The following SOX5 variants were observed in gnomAD, a reference collection of about 807,000 sequenced individuals.
SOX5 encodes transcription factor SOX-5.
SOX5 carries 9 observed loss-of-function variants against 92.0 expected under a neutral mutation model. The observed-to-expected ratio is 0.10, with a 90% confidence interval of 0.06 to 0.17. The LOEUF (loss-of-function observed/expected upper bound fraction) is 0.17, where lower values mean the gene tolerates loss of function less well. Ranked by LOEUF, SOX5 falls within the 10% of genes least tolerant of loss-of-function variation. The pLI, the probability that SOX5 is intolerant of heterozygous loss-of-function variation, is 1.00. For synonymous variants in SOX5, 344 were observed against 336.3 expected (o/e 1.02, Z -0.25); for missense variants, 642 against 944.5 (o/e 0.68, Z 4.20).
At chr12:24,494,381 C>G (rs572626228) in intron 1 of SOX5, among the ~76,000 whole-genome samples, 1 of 152,320 alleles carries the variant, frequency 6.6e-6, no homozygotes, top group African/African-American at 2.4e-5. Flanking sequence ...ACAAAAAGGA[C>G]AGCAAATAAT....
At chr12:23,853,326 T>A (rs1026025616) in intron 2 of SOX5, among the ~76,000 whole-genome samples, 1 of 151,592 alleles carries the variant, frequency 6.6e-6, no homozygotes, top group African/African-American at 2.4e-5. Flanking sequence ...TTAGTTTAAA[T>A]TTATTAATAA....
At chr12:24,183,650 TA>T (rs1442657573) in intron 4 of SOX5, among the ~76,000 whole-genome samples, 1 of 152,094 alleles carries the variant, frequency 6.6e-6, no homozygotes, top group South Asian at 2.1e-4. Flanking sequence ...AAATCTAATA[TA>T]AAAAAAATTT....
At chr12:23,911,861 G>A (rs1269857066) in intron 1 of SOX5, among the ~76,000 whole-genome samples, 1 of 152,118 alleles carries the variant, frequency 6.6e-6, no homozygotes, top group African/African-American at 2.4e-5. Flanking sequence ...AGGAAACACA[G>A]AAGAACATCT....
chr12:24,049,322 C>T (rs1010463549), intron 4 of SOX5, among the ~76,000 whole-genome samples: 2 of 152,164 alleles, frequency 1.3e-5, no homozygotes, highest in Non-Finnish European at 2.9e-5. Flanking sequence ...AAAGTGAAAA[C>T]CACAAACTGG....
At chr12:23,740,610 C>T (rs1034160930) in intron 5 of SOX5, among the ~76,000 whole-genome samples, 2 of 152,148 alleles carry the variant, frequency 1.3e-5, no homozygotes, top group Non-Finnish European at 2.9e-5. Context: ...GTATTTTTCT[C>T]ATGATTTATC....
At chr12:23,765,098 T>G (rs963282970) in intron 3 of SOX5, among the ~76,000 whole-genome samples, 2 of 152,002 alleles carry the variant, frequency 1.3e-5, no homozygotes, top group African/African-American at 2.4e-5. Flanking sequence ...TAAAAAACCC[T>G]CTGATTTGCT....
intron 4 of SOX5, among the ~76,000 whole-genome samples, chr12:23,984,814 T>C (rs1949910665): frequency 6.6e-6 from 1 of 152,198 alleles, no homozygotes; most frequent in Admixed American, 6.6e-5. Flanking sequence ...TTTTAATATG[T>C]TGCTAAGCTA....
chr12:23,998,803 C>CAA (rs34135570), intron 4 of SOX5, among the ~76,000 whole-genome samples: 1,421 of 66,292 alleles, frequency 0.021, 40 homozygotes, highest in Middle Eastern at 0.034. Context: ...GACTCAGTCT[C>CAA]AAAAAAAAAA....
At chr12:24,335,990 C>CATATATGTATATATATATATATATATAT (rs1951848307) in intron 2 of SOX5, among the ~76,000 whole-genome samples, 1 of 24,786 alleles carries the variant, frequency 4.0e-5, no homozygotes, top group African/African-American at 1.2e-4. Flanking sequence ...TATATATATC[C>CATATATGTATATATATATATATATATAT]ATAATATTAA....
chr12:24,277,399 A>G (rs1049726626), intron 2 of SOX5: 5 of 110,532 alleles, frequency 4.5e-5, no homozygotes, highest in African/African-American at 1.4e-4. Flanking sequence ...AAAATGTGTA[A>G]GGTTTTCAAA....
At chr12:23,536,407 T>G (rs770687139) in intron 14 of SOX5, 46 bp downstream of exon 14, 1 of 1,418,426 alleles carries the variant, frequency 7.1e-7, no homozygotes, top group South Asian at 1.2e-5. Flanking sequence ...CCATTAAGTA[T>G]AACAGGAAGT....
intron 6 of SOX5, among the ~76,000 whole-genome samples, chr12:23,719,011 TAA>T (rs748339461): frequency 6.6e-6 from 1 of 152,168 alleles, no homozygotes; most frequent in Non-Finnish European, 1.5e-5. Context: ...TCAGAGTGGG[TAA>T]AGTTATAGCA....
At chr12:23,614,570 G>A (rs533469159) in intron 8 of SOX5, among the ~76,000 whole-genome samples, 3 of 152,200 alleles carry the variant, frequency 2.0e-5, no homozygotes, top group Non-Finnish European at 4.4e-5. Context: ...TCTAGCTGAT[G>A]GATAGTTGGA....
At chr12:23,561,996 A>C (rs1946295357) in intron 11 of SOX5, among the ~76,000 whole-genome samples, 2 of 152,240 alleles carry the variant, frequency 1.3e-5, no homozygotes, top group African/African-American at 4.8e-5. Context: ...GAGCAGAGAA[A>C]AGGAATTTCT....
chr12:24,055,697 C>T (rs1958019795), intron 4 of SOX5, among the ~76,000 whole-genome samples: 2 of 152,114 alleles, frequency 1.3e-5, no homozygotes, highest in Non-Finnish European at 1.5e-5. Flanking sequence ...CATTATTTCC[C>T]TTCATCTTGT....
rs185450131 is a variant in SOX5 at position 24,191,794 on chromosome 12, C to T, written c.-2+21549G>A. Among the ~76,000 whole-genome samples the T allele has an allele frequency of 5.3e-5, 8 of 152,120 alleles. No individual in the cohort carries two copies. The East Asian group carries it at 1.5e-3, about 29-fold the overall frequency. ...ATTTTGTTTGTTTAGCCTGTGTGTC[C>T]TAGATATGGTAAGATTATGAACTAG... On this transcript the variant is annotated intron_variant, in intron 4 of 4. Coordinates refer to the SOX5 transcript ENST00000446891.
chr12:24,102,410 G>A (rs1195229914), intron 4 of SOX5, among the ~76,000 whole-genome samples: 1 of 152,148 alleles, frequency 6.6e-6, no homozygotes, highest in Non-Finnish European at 1.5e-5. Flanking sequence ...AGCATGAGTA[G>A]AATAAGTATA....
At chr12:24,029,978 C>A (rs1433293493) in intron 4 of SOX5, among the ~76,000 whole-genome samples, 1 of 151,852 alleles carries the variant, frequency 6.6e-6, no homozygotes, top group African/African-American at 2.4e-5. Flanking sequence ...GTATTAATAC[C>A]TTTCATTCTC....
At chr12:23,572,716 C>G (rs1391812850) in intron 10 of SOX5, among the ~76,000 whole-genome samples, 1 of 152,112 alleles carries the variant, frequency 6.6e-6, no homozygotes, top group Non-Finnish European at 1.5e-5. Flanking sequence ...GTGAATGATT[C>G]TTGCCAAATA....
Sources: gnomAD v4.1 joint callset for allele counts (sites outside exome capture counted in the v4.1 genomes callset) on GRCh38, gnomAD v4.1.1 for gene constraint, MANE v1.5 for transcripts, NCBI Gene and HGNC (gene_info 2026-07-23, HGNC 2026-07-21) for gene names.